The following TENM4 variants were observed in gnomAD, a reference collection of about 807,000 sequenced individuals.
TENM4 encodes teneurin transmembrane protein 4.
Under a neutral mutation model 243.3 loss-of-function variants are expected in TENM4, and 82 were observed. The ratio of observed to expected loss-of-function variants is 0.34; its 90% CI spans 0.28 to 0.40. The LOEUF (loss-of-function observed/expected upper bound fraction) is 0.40, where lower values mean the gene tolerates loss of function less well. TENM4 is among the 10% of genes least tolerant of loss of function. The probability of loss-of-function intolerance (pLI) is 1.00; values close to 1 mark genes in which losing one functional copy is unlikely to be tolerated. For synonymous variants in TENM4, 1,412 were observed against 1,456.3 expected (o/e 0.97, Z 0.69); for missense variants, 3,138 against 3,673.3 (o/e 0.85, Z 3.77).
rs146500190 is a variant in TENM4 at position 78,715,983 on chromosome 11, T to A, written c.3822-3269A>T. ...ATCTGTGACCACCTAGGGATGCCCATTCTGTCCCAGACACTGCGCTAGCAC... is the reference window on the plus strand; with the variant it reads ...ATCTGTGACCACCTAGGGATGCCCAATCTGTCCCAGACACTGCGCTAGCAC... On this transcript the variant is annotated intron_variant, in intron 25 of 33. Transcript: ENST00000278550. 6.1e-4 allele frequency among the ~76,000 whole-genome samples: 93 copies of A among 152,306 alleles called. 1 individual carries two copies. The highest frequency in any genetic ancestry group is 2.2e-3 in the African/African-American group (90 of 41,574).
At chr11:79,289,448 G>C (rs1250630251) in intron 2 of TENM4, among the ~76,000 whole-genome samples, 1 of 152,224 alleles carries the variant, frequency 6.6e-6, no homozygotes, top group African/African-American at 2.4e-5. Context: ...CAGCCCAAGA[G>C]AGCTGTCACC....
At chr11:78,966,770 C>T (rs935864985) in intron 6 of TENM4, among the ~76,000 whole-genome samples, 14 of 152,172 alleles carry the variant, frequency 9.2e-5, no homozygotes, top group African/African-American at 3.4e-4. Context: ...TCTGTCTCCC[C>T]ACCTGTCCCC....
At chr11:79,336,471 A>G (rs1463521453) in intron 1 of TENM4, among the ~76,000 whole-genome samples, 1 of 152,216 alleles carries the variant, frequency 6.6e-6, no homozygotes, top group Non-Finnish European at 1.5e-5. Context: ...ATAACAGACT[A>G]TGCAATAGCC....
chr11:79,401,998 A>G, intron 1 of TENM4: 1 of 387,168 alleles, frequency 2.6e-6, no homozygotes, highest in Non-Finnish European at 5.9e-6. Flanking sequence ...GTGCAGGGTG[A>G]GAAGAGAGAT....
intron 4 of TENM4, among the ~76,000 whole-genome samples, chr11:79,100,729 C>T (rs945477634): frequency 1.3e-5 from 2 of 152,182 alleles, no homozygotes; most frequent in Non-Finnish European, 2.9e-5. Flanking sequence ...AAGGGACTTG[C>T]TCCAAGTGAC....
intron 2 of TENM4, among the ~76,000 whole-genome samples, chr11:79,230,445 C>T (rs930390419): frequency 2.6e-5 from 4 of 152,172 alleles, no homozygotes; most frequent in African/African-American, 9.6e-5. Flanking sequence ...CAAGAACCGT[C>T]CCCAATAACT....
chr11:79,061,438 G>A (rs921005861), intron 6 of TENM4, among the ~76,000 whole-genome samples: 1 of 152,126 alleles, frequency 6.6e-6, no homozygotes, highest in African/African-American at 2.4e-5. Context: ...TGAGTTCTGT[G>A]GCCAGTGGGG....
intron 4 of TENM4, among the ~76,000 whole-genome samples, chr11:79,111,032 T>C (rs1403653073): frequency 6.6e-6 from 1 of 152,130 alleles, no homozygotes; most frequent in African/African-American, 2.4e-5. Flanking sequence ...CCATGAGTTG[T>C]GGGAGGGAGC....
intron 2 of TENM4, among the ~76,000 whole-genome samples, chr11:79,266,652 A>G (rs535072198): frequency 6.6e-6 from 1 of 152,348 alleles, no homozygotes; most frequent in South Asian, 2.1e-4. Context: ...TAAGAGGTGC[A>G]ATAACATTGC....
chr11:78,734,756 T>G (rs1855748544), intron 20 of TENM4, among the ~76,000 whole-genome samples: 1 of 152,176 alleles, frequency 6.6e-6, no homozygotes, highest in Non-Finnish European at 1.5e-5. Flanking sequence ...CGCATGGCAT[T>G]GCACTGTCAT....
intron 1 of TENM4, among the ~76,000 whole-genome samples, chr11:79,398,806 A>G (rs1216230065): frequency 2.0e-5 from 3 of 149,150 alleles, no homozygotes; most frequent in Non-Finnish European, 4.4e-5. Flanking sequence ...TGGAAGACAG[A>G]TAAGGTATGC....
At chr11:79,031,732 C>T (rs1357927897) in intron 6 of TENM4, among the ~76,000 whole-genome samples, 1 of 152,214 alleles carries the variant, frequency 6.6e-6, no homozygotes, top group Non-Finnish European at 1.5e-5. Context: ...TGGACATGCC[C>T]TCCCTTAAGA....
chr11:78,715,012 C>T (rs1456866991), intron 25 of TENM4, among the ~76,000 whole-genome samples: 1 of 152,232 alleles, frequency 6.6e-6, no homozygotes. Flanking sequence ...TGTTCTGCTT[C>T]GTGCCTTCTA....
At chr11:79,419,945 T>C (rs1355234591) in intron 1 of TENM4, among the ~76,000 whole-genome samples, 1 of 152,110 alleles carries the variant, frequency 6.6e-6, no homozygotes, top group Non-Finnish European at 1.5e-5. Flanking sequence ...CTATGTGATA[T>C]TTTATGTGTA....
chr11:79,421,995 C>A (rs1384215128), intron 1 of TENM4, among the ~76,000 whole-genome samples: 1 of 152,166 alleles, frequency 6.6e-6, no homozygotes, highest in South Asian at 2.1e-4. Context: ...ACGCACACCC[C>A]ACACGTGGCG....
At chr11:78,794,094 C>T (rs1405205145) in intron 15 of TENM4, among the ~76,000 whole-genome samples, 1 of 152,238 alleles carries the variant, frequency 6.6e-6, no homozygotes, top group East Asian at 1.9e-4. Flanking sequence ...ATCTATCTGT[C>T]CATCCACCCA....
At chr11:79,130,038 C>T (rs886526805) in intron 4 of TENM4, among the ~76,000 whole-genome samples, 1 of 152,130 alleles carries the variant, frequency 6.6e-6, no homozygotes, top group African/African-American at 2.4e-5. Context: ...ACTGAGAGAC[C>T]CATAGATAGT....
intron 6 of TENM4, among the ~76,000 whole-genome samples, chr11:78,927,978 G>T (rs555290698): frequency 1.3e-5 from 2 of 152,132 alleles, no homozygotes; most frequent in South Asian, 4.1e-4. Flanking sequence ...TGTCCTGCTG[G>T]GATCCCTTAA....
intron 19 of TENM4, among the ~76,000 whole-genome samples, chr11:78,755,199 C>T (rs186500141): frequency 6.6e-6 from 1 of 152,110 alleles, no homozygotes; most frequent in Non-Finnish European, 1.5e-5. Flanking sequence ...GGGTCTTGCT[C>T]TGTCACCCAG....
Sources: gnomAD v4.1 joint callset for allele counts (sites outside exome capture counted in the v4.1 genomes callset) on GRCh38, gnomAD v4.1.1 for gene constraint, MANE v1.5 for transcripts, NCBI Gene and HGNC (gene_info 2026-07-23, HGNC 2026-07-21) for gene names.